ATRNL1: variants seen among roughly 807,000 people sequenced by gnomAD.
ATRNL1 encodes attractin-like protein 1.
Under a neutral mutation model 182.7 loss-of-function variants are expected in ATRNL1, and 95 were observed. The observed-to-expected ratio is 0.52, with a 90% CI of 0.44 to 0.62. ATRNL1 has a LOEUF of 0.62. Among genes scored for constraint, ATRNL1 ranks in the 20% least tolerant of loss-of-function variants. The pLI, the probability that ATRNL1 is intolerant of heterozygous loss-of-function variation, is 0.00. For missense variants in ATRNL1, 1,471 were observed against 1,679.5 expected (o/e 0.88, Z 2.17); for synonymous variants, 576 against 568.3 (o/e 1.01, Z -0.19).
intron 28 of ATRNL1, among the ~76,000 whole-genome samples, chr10:115,870,880 C>A (rs1189971183): frequency 6.6e-6 from 1 of 152,082 alleles, no homozygotes; most frequent in African/African-American, 2.4e-5. Flanking sequence ...TTATAGTTGT[C>A]ATGAAGAGTA....
intron 24 of ATRNL1, among the ~76,000 whole-genome samples, chr10:115,502,091 A>G (rs12766723): frequency 0.42 from 63,816 of 151,926 alleles, 14,169 homozygotes; most frequent in Middle Eastern, 0.5. Flanking sequence ...ATAATTTAAC[A>G]TAACAATTAC....
chr10:115,743,037 A>C (rs1268940759), intron 27 of ATRNL1, among the ~76,000 whole-genome samples: 1 of 151,948 alleles, frequency 6.6e-6, no homozygotes, highest in Non-Finnish European at 1.5e-5. Context: ...AAAAGGGGAA[A>C]AGTCCCTTAT....
intron 26 of ATRNL1, among the ~76,000 whole-genome samples, chr10:115,639,720 T>C (rs954413877): frequency 1.3e-5 from 2 of 151,792 alleles, no homozygotes; most frequent in African/African-American, 4.8e-5. Context: ...TAAATCAAAA[T>C]AGATTCCTAA....
intron 8 of ATRNL1, among the ~76,000 whole-genome samples, chr10:115,207,378 G>A (rs369059079): frequency 4.0e-4 from 61 of 151,940 alleles, no homozygotes; most frequent in African/African-American, 1.3e-3. Flanking sequence ...AATGATCGCC[G>A]TTCTAACTGG....
At chr10:115,447,157 A>C (rs1847040891) in intron 21 of ATRNL1, among the ~76,000 whole-genome samples, 1 of 151,854 alleles carries the variant, frequency 6.6e-6, no homozygotes, top group South Asian at 2.1e-4. Flanking sequence ...AAATGTGTTA[A>C]AAAGTATAGT....
chr10:115,416,717 T>C (rs1019488002), intron 20 of ATRNL1, among the ~76,000 whole-genome samples: 2 of 152,248 alleles, frequency 1.3e-5, no homozygotes, highest in African/African-American at 2.4e-5. Context: ...GTAAAACTTA[T>C]ACTGTGTTGA....
chr10:115,885,526 A>C (rs1410051756), intron 28 of ATRNL1, among the ~76,000 whole-genome samples: 1 of 152,274 alleles, frequency 6.6e-6, no homozygotes. Flanking sequence ...TTTTAAAAAA[A>C]TAATGTTTTC....
At chr10:115,442,844 T>G (rs1365746836) in intron 21 of ATRNL1, among the ~76,000 whole-genome samples, 2 of 152,060 alleles carry the variant, frequency 1.3e-5, no homozygotes, top group Non-Finnish European at 2.9e-5. Flanking sequence ...TGTCTATAAT[T>G]CTGATTGGAA....
chr10:115,738,125 G>GTTTTTTTT (rs1565334914), intron 27 of ATRNL1, among the ~76,000 whole-genome samples: 11 of 53,194 alleles, frequency 2.1e-4, no homozygotes, highest in Admixed American at 6.2e-4. Context: ...AGAAGATAAT[G>GTTTTTTTT]ATTTTTTTTT....
At chr10:115,424,099 T>C (rs1190511317) in intron 20 of ATRNL1, among the ~76,000 whole-genome samples, 2 of 151,946 alleles carry the variant, frequency 1.3e-5, no homozygotes, top group Non-Finnish European at 2.9e-5. Context: ...ACCCCACAAG[T>C]AGTAAAGAGT....
intron 26 of ATRNL1, among the ~76,000 whole-genome samples, chr10:115,704,529 A>G (rs1593096022): frequency 6.6e-6 from 1 of 152,030 alleles, no homozygotes; most frequent in East Asian, 1.9e-4. Context: ...TGTATATATG[A>G]GTTATATGTA....
chr10:115,932,717 T>G (rs371385817), intron 28 of ATRNL1, among the ~76,000 whole-genome samples: 14 of 152,322 alleles, frequency 9.2e-5, no homozygotes, highest in African/African-American at 2.9e-4. Context: ...ATGCCAAACT[T>G]TTAAAAATAT....
At chr10:115,128,842 A>C (rs1554874275) in intron 4 of ATRNL1, among the ~76,000 whole-genome samples, 1,922 of 151,964 alleles carry the variant, frequency 0.013, 49 homozygotes, top group African/African-American at 0.044. Flanking sequence ...AAAAAAAAAA[A>C]AAGAGTCTTA....
At chr10:115,369,309 G>A (rs1857259579) in intron 19 of ATRNL1, among the ~76,000 whole-genome samples, 1 of 150,140 alleles carries the variant, frequency 6.7e-6, no homozygotes, top group Admixed American at 6.6e-5. Flanking sequence ...TCTGTGAGGG[G>A]GAAGGGGGTT....
chr10:115,137,060 C>G (rs1158861069), intron 5 of ATRNL1, among the ~76,000 whole-genome samples: 1 of 152,126 alleles, frequency 6.6e-6, no homozygotes, highest in Non-Finnish European at 1.5e-5. Context: ...TCAAAGTACT[C>G]TGTTTTATAT....
At chr10:115,646,552 CA>C (rs1192586990) in intron 26 of ATRNL1, among the ~76,000 whole-genome samples, 9 of 151,932 alleles carry the variant, frequency 5.9e-5, no homozygotes, top group African/African-American at 1.9e-4. Context: ...TGCATTTCAG[CA>C]ACAGGAAATA....
intron 27 of ATRNL1, among the ~76,000 whole-genome samples, chr10:115,743,238 TAAAAAAA>T (rs67671102): frequency 8.6e-6 from 1 of 115,988 alleles, no homozygotes; most frequent in Non-Finnish European, 1.7e-5. Context: ...TCTCTTATAG[TAAAAAAA>T]AAAAAAAAAA....
intron 17 of ATRNL1, among the ~76,000 whole-genome samples, chr10:115,310,894 G>A (rs1418384525): frequency 6.6e-6 from 1 of 152,134 alleles, no homozygotes; most frequent in Non-Finnish European, 1.5e-5. Context: ...AGTTCTTTGA[G>A]ATGTGACATT....
chr10:115,804,057 A>G (rs1400578838), intron 27 of ATRNL1, among the ~76,000 whole-genome samples: 1 of 152,140 alleles, frequency 6.6e-6, no homozygotes, highest in Non-Finnish European at 1.5e-5. Context: ...ATCTTCTTTA[A>G]TTTTTACAGT....
Sources: gnomAD v4.1 joint callset for allele counts (sites outside exome capture counted in the v4.1 genomes callset) on GRCh38, gnomAD v4.1.1 for gene constraint, MANE v1.5 for transcripts, NCBI Gene and HGNC (gene_info 2026-07-23, HGNC 2026-07-21) for gene names.